The following LRP1B variants were observed in gnomAD, a reference collection of about 807,000 sequenced individuals.
The protein encoded by LRP1B is LDL receptor related protein 1B.
A neutral mutation model predicts 556.6 loss-of-function variants in LRP1B; 217 were observed. The ratio of observed to expected loss-of-function variants is 0.39; its 90% confidence interval spans 0.35 to 0.44. The LOEUF (loss-of-function observed/expected upper bound fraction) is 0.44. Among genes scored for constraint, LRP1B ranks in the 20% least tolerant of loss-of-function variants. LRP1B has a pLI of 1.00. For missense variants in LRP1B, 5,053 were observed against 5,620.8 expected, an observed-to-expected ratio of 0.90 and a Z score of 3.23; for synonymous variants, 2,047 against 1,865.8, an observed-to-expected ratio of 1.10 and a Z score of -2.50.
chr2:141,001,120 CT>C (rs769999633), intron 15 of LRP1B, among the ~76,000 whole-genome samples: 1 of 152,064 alleles, frequency 6.6e-6, no homozygotes, highest in Non-Finnish European at 1.5e-5. Context: ...TCCCCTCCCC[CT>C]GTAACTTCCT....
intron 2 of LRP1B, among the ~76,000 whole-genome samples, chr2:141,710,814 C>T (rs1386343922): frequency 2.6e-5 from 4 of 152,134 alleles, no homozygotes; most frequent in Non-Finnish European, 5.9e-5. Flanking sequence ...CAGGTCATCT[C>T]GACATTCATT....
chr2:141,016,012 T>C, intron 12 of LRP1B, 97 bp from the exon 13 acceptor site: 1 of 896,296 alleles, frequency 1.1e-6, no homozygotes, highest in South Asian at 1.4e-5. Context: ...TAAATTCTAG[T>C]TTCATTCTGA....
chr2:140,766,115 T>A (rs1392231877), intron 35 of LRP1B, among the ~76,000 whole-genome samples: 1 of 152,002 alleles, frequency 6.6e-6, no homozygotes, highest in South Asian at 2.1e-4. Context: ...GGGGTAAATG[T>A]CATTAATGGA....
At chr2:141,475,203 T>A (rs6429892) in intron 3 of LRP1B, among the ~76,000 whole-genome samples, 4 of 151,898 alleles carry the variant, frequency 2.6e-5, no homozygotes, top group South Asian at 2.1e-4. Context: ...TGAAACCCCC[T>A]CTATACTAAA....
intron 3 of LRP1B, among the ~76,000 whole-genome samples, chr2:141,424,951 G>T (rs1449461919): frequency 6.6e-6 from 1 of 151,646 alleles, no homozygotes; most frequent in Non-Finnish European, 1.5e-5. Context: ...TAAGTTTTAG[G>T]GTACATGTGC....
chr2:141,745,112 A>G (rs1693864435), intron 2 of LRP1B, among the ~76,000 whole-genome samples: 1 of 152,106 alleles, frequency 6.6e-6, no homozygotes, highest in South Asian at 2.1e-4. Context: ...TGTGACCACC[A>G]CTAATGAGAC....
At chr2:141,071,448 G>A (rs902857773) in intron 7 of LRP1B, among the ~76,000 whole-genome samples, 1 of 152,116 alleles carries the variant, frequency 6.6e-6, no homozygotes, top group East Asian at 1.9e-4. Flanking sequence ...ACAGGCACAA[G>A]ACAGGGATGC....
intron 66 of LRP1B, among the ~76,000 whole-genome samples, chr2:140,439,000 A>T (rs1449630196): frequency 6.6e-6 from 1 of 152,206 alleles, no homozygotes; most frequent in Non-Finnish European, 1.5e-5. Flanking sequence ...CTAAACTGTA[A>T]ACTGGGGAGA....
At chr2:141,828,289 C>T (rs1380994053) in intron 1 of LRP1B, among the ~76,000 whole-genome samples, 1 of 152,012 alleles carries the variant, frequency 6.6e-6, no homozygotes, top group African/African-American at 2.4e-5. Context: ...ACCAAGGAAA[C>T]ACATTTCTCT....
intron 11 of LRP1B, among the ~76,000 whole-genome samples, chr2:141,044,494 T>C (rs1698806908): frequency 6.7e-6 from 1 of 149,106 alleles, no homozygotes; most frequent in African/African-American, 2.5e-5. Context: ...ACCTACAAAA[T>C]GGGAGAAAAT....
rs569118098 is a variant in LRP1B at position 141,523,666 on chromosome 2, C to T, written c.206-43133G>A. Among the ~76,000 whole-genome samples the T allele has an allele frequency of 9.9e-5, 15 of 152,142 alleles. No individual in the cohort carries two copies. In the South Asian group the frequency reaches 3.1e-3, roughly 32 times the overall value. On this transcript the variant is annotated intron_variant, in intron 2 of 90. Coordinates refer to ENST00000389484, the MANE Select transcript of LRP1B (RefSeq NM_018557.3). ...TTTCTTTAACGTAAATTATTACATA[C>T]TTAAAAATAGAAAAGAACAGGTTGA...
chr2:141,030,180 G>C (rs1354155332), intron 11 of LRP1B, among the ~76,000 whole-genome samples: 1 of 152,038 alleles, frequency 6.6e-6, no homozygotes, highest in African/African-American at 2.4e-5. Context: ...TAGTACAGTA[G>C]TAAATACAAA....
At chr2:142,119,363 G>A (rs1707376292) in intron 1 of LRP1B, among the ~76,000 whole-genome samples, 1 of 152,130 alleles carries the variant, frequency 6.6e-6, no homozygotes, top group African/African-American at 2.4e-5. Context: ...TAAAAGGGTT[G>A]ATTACTCCAA....
chr2:140,832,206 G>T (rs1691742340), intron 31 of LRP1B, among the ~76,000 whole-genome samples: 1 of 152,012 alleles, frequency 6.6e-6, no homozygotes, highest in Non-Finnish European at 1.5e-5. Flanking sequence ...CCACATATTT[G>T]GAGGGCCAAC....
intron 1 of LRP1B, among the ~76,000 whole-genome samples, chr2:142,097,402 A>G (rs1010165567): frequency 1.1e-4 from 13 of 114,042 alleles, no homozygotes; most frequent in Non-Finnish European, 2.4e-4. Context: ...ATTTAATTTT[A>G]TGATATAATA....
chr2:141,510,931 G>A (rs1011782963), intron 2 of LRP1B, among the ~76,000 whole-genome samples: 1 of 141,152 alleles, frequency 7.1e-6, no homozygotes, highest in African/African-American at 2.7e-5. Context: ...ATACACACAA[G>A]CTCCATAGAA....
Position 142,041,401 on chromosome 2 carries a change from G to A in LRP1B, c.82+89247C>T, listed in dbSNP as rs182892754. The stretch of plus-strand genomic sequence containing the variant: ...ATTAGAATTAATGTAGAAAAGAGGT[G>A]TAAAGAAAAGCAGTTATGTAGAAAG... On this transcript the variant is annotated intron_variant, in intron 1 of 90. Transcript: ENST00000389484. Among the ~76,000 whole-genome samples the A allele has an allele frequency of 1.3e-4, 19 of 151,544 alleles. No individual in the cohort carries two copies. The East Asian group carries it at 2.5e-3, about 20-fold the overall frequency.
intron 54 of LRP1B, 128 bp downstream of exon 54, chr2:140,502,835 G>C (rs1168473915): frequency 1.2e-5 from 10 of 854,196 alleles, no homozygotes; most frequent in Non-Finnish European, 1.8e-5. Context: ...CCTGCATGGT[G>C]TCACTAGAAA....
At chr2:140,621,553 C>A (rs1290787189) in intron 41 of LRP1B, among the ~76,000 whole-genome samples, 2 of 151,880 alleles carry the variant, frequency 1.3e-5, no homozygotes, top group South Asian at 2.1e-4. Flanking sequence ...TTTATTCTAC[C>A]CATGAAGCAA....
Sources: allele counts gnomAD v4.1 joint callset (sites outside exome capture counted in the v4.1 genomes callset), GRCh38; gene constraint gnomAD v4.1.1; transcripts MANE v1.5; gene names NCBI Gene and HGNC (gene_info 2026-07-23, HGNC 2026-07-21).